The following DENND1A variants were observed in gnomAD, a reference collection of about 807,000 sequenced individuals.
The protein encoded by DENND1A is DENN domain containing 1A.
A neutral mutation model predicts 113.7 loss-of-function variants in DENND1A; 51 were observed. The observed-to-expected ratio is 0.45, with a 90% CI of 0.36 to 0.57. The LOEUF is 0.57. DENND1A is among the 20% of genes least tolerant of loss of function. The pLI is 0.00. For missense variants in DENND1A, 1,258 were observed against 1,395.9 expected (o/e 0.90, Z 1.57); for synonymous variants, 565 against 570.8 (o/e 0.99, Z 0.14).
Position 123,599,218 on chromosome 9 carries a change from T to A in DENND1A, c.765+10218A>T, listed in dbSNP as rs574435900. ...TCTTTTGTAGCCTAAACGGCATATCTCTTAAGTGTCCAACTTTAATTTCAT... is the reference window on the plus strand; with the variant it reads ...TCTTTTGTAGCCTAAACGGCATATCACTTAAGTGTCCAACTTTAATTTCAT... On this transcript the variant is annotated intron_variant, in intron 11 of 23. Transcript: ENST00000394215. Among the ~76,000 whole-genome samples, 4 of 152,340 alleles carry A rather than the reference T, an allele frequency of 2.6e-5. No homozygotes were observed. The South Asian group carries it at 8.3e-4, about 32-fold the overall frequency.
chr9:123,542,996 T>A (rs2056397654), intron 13 of DENND1A, among the ~76,000 whole-genome samples: 1 of 152,198 alleles, frequency 6.6e-6, no homozygotes, highest in African/African-American at 2.4e-5. Context: ...GAGGACCAAG[T>A]AGAGCAGCCT....
intron 21 of DENND1A, among the ~76,000 whole-genome samples, chr9:123,395,110 G>A (rs932211878): frequency 1.3e-5 from 2 of 152,212 alleles, no homozygotes; most frequent in African/African-American, 4.8e-5. Flanking sequence ...TGGCGATGTG[G>A]CATCTGGAAG....
At chr9:123,465,570 T>C (rs187117271) in intron 13 of DENND1A, among the ~76,000 whole-genome samples, 75 of 152,280 alleles carry the variant, frequency 4.9e-4, no homozygotes, top group Non-Finnish European at 1.5e-5. Flanking sequence ...GATAAACAAA[T>C]AGATTCTTTC....
chr9:123,398,875 A>G (rs2043279227), intron 21 of DENND1A, among the ~76,000 whole-genome samples: 1 of 148,710 alleles, frequency 6.7e-6, no homozygotes, highest in Non-Finnish European at 1.5e-5. Flanking sequence ...GCTCACTGCA[A>G]GCTCCACCTC....
chr9:123,512,041 C>G (rs1368026173), intron 13 of DENND1A, among the ~76,000 whole-genome samples: 2 of 152,176 alleles, frequency 1.3e-5, no homozygotes, highest in Non-Finnish European at 2.9e-5. Flanking sequence ...TCGAGTAGGT[C>G]ACCGTGTTCC....
At chr9:123,487,676 A>G (rs2051009446) in intron 13 of DENND1A, among the ~76,000 whole-genome samples, 1 of 152,188 alleles carries the variant, frequency 6.6e-6, no homozygotes, top group Non-Finnish European at 1.5e-5. Context: ...GACAACAGAG[A>G]CCACAGAAAT....
At chr9:123,563,530 A>T (rs1396225023) in intron 12 of DENND1A, among the ~76,000 whole-genome samples, 1 of 152,196 alleles carries the variant, frequency 6.6e-6, no homozygotes, top group Non-Finnish European at 1.5e-5. Flanking sequence ...GTAAAATATA[A>T]TGGATATAAA....
intron 11 of DENND1A, among the ~76,000 whole-genome samples, chr9:123,596,648 A>C (rs556017385): frequency 6.6e-6 from 1 of 152,308 alleles, no homozygotes; most frequent in Admixed American, 6.5e-5. Flanking sequence ...GGTGCTAAGC[A>C]AATACTGAGG....
intron 1 of DENND1A, among the ~76,000 whole-genome samples, chr9:123,895,600 C>T (rs1241668584): frequency 6.1e-5 from 9 of 146,534 alleles, no homozygotes; most frequent in African/African-American, 2.3e-4. Flanking sequence ...CCAGCCTGGG[C>T]GATAGAGTGA....
At chr9:123,633,023 T>C (rs2061547803) in intron 9 of DENND1A, among the ~76,000 whole-genome samples, 1 of 152,192 alleles carries the variant, frequency 6.6e-6, no homozygotes, top group Non-Finnish European at 1.5e-5. Flanking sequence ...TTCTCCTGCC[T>C]CAGCCTTCTG....
chr9:123,563,394 G>C (rs942676365), intron 12 of DENND1A, among the ~76,000 whole-genome samples: 4 of 152,172 alleles, frequency 2.6e-5, no homozygotes, highest in African/African-American at 7.2e-5. Flanking sequence ...CATAGAGTTT[G>C]AATCACAGAA....
intron 2 of DENND1A, among the ~76,000 whole-genome samples, chr9:123,815,551 T>C (rs1837304921): frequency 6.6e-6 from 1 of 152,208 alleles, no homozygotes. Flanking sequence ...AAGATAATTA[T>C]ATAGCACTTG....
chr9:123,653,576 C>T (rs1483248014), intron 8 of DENND1A, among the ~76,000 whole-genome samples: 2 of 152,208 alleles, frequency 1.3e-5, no homozygotes, highest in African/African-American at 4.8e-5. Context: ...GATGAGAAAA[C>T]AGTGGCACAG....
chr9:123,911,561 C>G (rs1421185525), intron 1 of DENND1A, among the ~76,000 whole-genome samples: 2 of 152,190 alleles, frequency 1.3e-5, no homozygotes, highest in African/African-American at 2.4e-5. Flanking sequence ...TACAACAACA[C>G]AGATGAATTC....
chr9:123,875,417 A>G (rs1277011876), intron 2 of DENND1A, among the ~76,000 whole-genome samples: 1 of 152,198 alleles, frequency 6.6e-6, no homozygotes, highest in East Asian at 1.9e-4. Context: ...CATACAAACT[A>G]TTAAATATTT....
intron 2 of DENND1A, among the ~76,000 whole-genome samples, chr9:123,873,935 G>GT (rs1847044128): frequency 6.6e-6 from 1 of 152,060 alleles, no homozygotes; most frequent in East Asian, 1.9e-4. Context: ...TAGAGACGGG[G>GT]TTTTACCATG....
At chr9:123,504,376 A>G (rs886551832) in intron 13 of DENND1A, among the ~76,000 whole-genome samples, 2 of 152,174 alleles carry the variant, frequency 1.3e-5, no homozygotes, top group South Asian at 2.1e-4. Flanking sequence ...AGGACCATGA[A>G]TGGTTTGTCT....
chr9:123,582,523 C>T (rs2058956472), intron 12 of DENND1A, among the ~76,000 whole-genome samples: 1 of 151,808 alleles, frequency 6.6e-6, no homozygotes, highest in South Asian at 2.1e-4. Context: ...CCTCAGCCTC[C>T]TGAGTAGCTG....
intron 11 of DENND1A, among the ~76,000 whole-genome samples, chr9:123,588,392 G>T (rs1471040981): frequency 1.3e-5 from 2 of 151,826 alleles, no homozygotes; most frequent in Non-Finnish European, 2.9e-5. Flanking sequence ...GCTGAGGCGG[G>T]TGGATCACCT....
Sources: gnomAD v4.1 joint callset for allele counts (sites outside exome capture counted in the v4.1 genomes callset) on GRCh38, gnomAD v4.1.1 for gene constraint, MANE v1.5 for transcripts, NCBI Gene and HGNC (gene_info 2026-07-23, HGNC 2026-07-21) for gene names.